KCND3: variants seen among roughly 807,000 people sequenced by gnomAD.
KCND3 encodes the protein potassium voltage-gated channel subfamily D member 3.
A neutral mutation model predicts 51.1 loss-of-function variants in KCND3; 9 were observed. That is an observed-to-expected ratio of 0.18 (90% CI 0.11 to 0.31). KCND3 has a LOEUF of 0.31. KCND3 is among the 10% of genes least tolerant of loss of function. KCND3 has a pLI of 1.00. For missense variants in KCND3, 526 were observed against 903.8 expected (o/e 0.58, Z 5.36); for synonymous variants, 349 against 368.0 (o/e 0.95, Z 0.59).
At chr1:111,915,625 C>T (rs975508617) in intron 2 of KCND3, among the ~76,000 whole-genome samples, 4 of 151,558 alleles carry the variant, frequency 2.6e-5, no homozygotes, top group Non-Finnish European at 2.9e-5. Context: ...TGGTGGTGGG[C>T]GCCTGTAGTC....
chr1:111,823,039 C>T (rs1051464779), intron 2 of KCND3, among the ~76,000 whole-genome samples: 6 of 152,148 alleles, frequency 3.9e-5, no homozygotes, highest in Non-Finnish European at 7.4e-5. Context: ...AGACAGACGG[C>T]GGGGGACCCA....
At position 111,923,427 on chromosome 1, in the gene KCND3, T is replaced by A. The variant is rs768702976; in HGVS notation, c.1106+58194A>T. On this transcript the variant is annotated intron_variant, in intron 2 of 7. Transcript: ENST00000302127. ...CCTATACCCTTCTTCCTGTGCCCCA[T>A]CTTCCCAAAGTGACTTCCTCTGGTT... 3.3e-5 allele frequency among the ~76,000 whole-genome samples: 5 copies of A among 152,162 alleles called. No individual in the cohort carries two copies. The East Asian group carries it at 9.6e-4, about 29-fold the overall frequency.
At chr1:111,944,349 G>A (rs929262958) in intron 2 of KCND3, among the ~76,000 whole-genome samples, 1 of 152,232 alleles carries the variant, frequency 6.6e-6, no homozygotes, top group Non-Finnish European at 1.5e-5. Flanking sequence ...TAAACGAAAG[G>A]TTAAGATACA....
rs775978779 is a variant in KCND3, at chr1:111,777,290, GAGA to G, written c.1519-20_1519-18del. 13 of 1,613,652 alleles carry G rather than the reference GAGA, an allele frequency of 8.1e-6. No individual in the cohort carries two copies. The highest frequency in any genetic ancestry group is 2.7e-5 in the African/African-American group (2 of 75,024). ...CTCGTGGTTCTGCGGGAGGCAGAAG[GAGA>G]AGAAGTAGGAAAAGGAGGTAGGGAG... On this transcript the variant is annotated intron_variant, in intron 6 of 7. Coordinates refer to ENST00000302127, the MANE Select transcript of KCND3 (RefSeq NM_001378969.1).
chr1:111,835,154 G>A (rs1667014469), intron 2 of KCND3, among the ~76,000 whole-genome samples: 1 of 152,200 alleles, frequency 6.6e-6, no homozygotes, highest in Non-Finnish European at 1.5e-5. Context: ...GCCACATCTA[G>A]CTGAGGGTCT....
chr1:111,875,522 C>T (rs1212512644), intron 2 of KCND3, among the ~76,000 whole-genome samples: 1 of 152,180 alleles, frequency 6.6e-6, no homozygotes, highest in Admixed American at 6.5e-5. Context: ...AATGAAAGTT[C>T]AGAAAGCTGG....
chr1:111,900,092 GA>G (rs1456808091), intron 2 of KCND3, among the ~76,000 whole-genome samples: 1 of 152,194 alleles, frequency 6.6e-6, no homozygotes, highest in East Asian at 1.9e-4. Context: ...GGTGCTGGGG[GA>G]CTATCTTAGC....
At chr1:111,881,876 C>G (rs1669344675) in intron 2 of KCND3, among the ~76,000 whole-genome samples, 1 of 152,230 alleles carries the variant, frequency 6.6e-6, no homozygotes, top group Non-Finnish European at 1.5e-5. Flanking sequence ...ATATGTCCTT[C>G]CCTGAGAATA....
chr1:111,927,693 C>G (rs1481004836), intron 2 of KCND3, among the ~76,000 whole-genome samples: 1 of 152,230 alleles, frequency 6.6e-6, no homozygotes, highest in Non-Finnish European at 1.5e-5. Context: ...ACTGAGTCCT[C>G]ACTCCATGCT....
intron 2 of KCND3, among the ~76,000 whole-genome samples, chr1:111,930,558 C>T (rs1411302796): frequency 2.6e-5 from 4 of 152,026 alleles, no homozygotes; most frequent in South Asian, 2.1e-4. Context: ...CACCTGGCCC[C>T]AGGGCACTTG....
At chr1:111,953,950 T>C (rs560826516) in intron 2 of KCND3, among the ~76,000 whole-genome samples, 1 of 152,220 alleles carries the variant, frequency 6.6e-6, no homozygotes, top group South Asian at 2.1e-4. Context: ...AGCCGACCTC[T>C]ATGGACATCA....
Position 111,989,523 on chromosome 1 carries a change from G to C in KCND3, c.-91C>G, listed in dbSNP as rs1242350081. Among the ~76,000 whole-genome samples the C allele has an allele frequency of 1.3e-5, 2 of 150,844 alleles. No individual in the cohort carries two copies. The highest frequency in any genetic ancestry group is 3.0e-5 in the Non-Finnish European group (2 of 67,650). ...CTCTTACCTTCCGCGAAGCCAGCCC[G>C]GGCCCCGCGCCCGGCGCCCCGCGCG... On this transcript the variant is annotated 5_prime_UTR_variant, in exon 1 of 8. Transcript: ENST00000302127.
chr1:111,816,275 G>T (rs964854741), intron 2 of KCND3, among the ~76,000 whole-genome samples: 3 of 152,216 alleles, frequency 2.0e-5, no homozygotes, highest in African/African-American at 7.2e-5. Context: ...ATCTCTCCAG[G>T]AGCTGGAAAT....
At chr1:111,972,393 C>G (rs973686079) in intron 2 of KCND3, among the ~76,000 whole-genome samples, 1 of 151,882 alleles carries the variant, frequency 6.6e-6, no homozygotes, top group South Asian at 2.1e-4. Flanking sequence ...GGGATGGTCT[C>G]GATCTCCTGA....
chr1:111,938,650 T>C (rs1337618492), intron 2 of KCND3, among the ~76,000 whole-genome samples: 2 of 152,048 alleles, frequency 1.3e-5, no homozygotes, highest in Admixed American at 6.5e-5. Flanking sequence ...TAAGGTTATC[T>C]GAGGAAGAGG....
At chr1:111,973,959 T>A (rs1241652962) in intron 2 of KCND3, among the ~76,000 whole-genome samples, 1 of 152,188 alleles carries the variant, frequency 6.6e-6, no homozygotes, top group Non-Finnish European at 1.5e-5. Flanking sequence ...TATATTAAAA[T>A]GATTTTTCTG....
chr1:111,885,450 C>T (rs1192730263), intron 2 of KCND3, among the ~76,000 whole-genome samples: 2 of 152,196 alleles, frequency 1.3e-5, no homozygotes, highest in African/African-American at 4.8e-5. Context: ...GTGAAAACAA[C>T]AAGCTTCAGG....
chr1:111,850,665 G>A (rs746321695), intron 2 of KCND3, among the ~76,000 whole-genome samples: 65 of 152,294 alleles, frequency 4.3e-4, no homozygotes, highest in Admixed American at 8.5e-4. Flanking sequence ...CCGGCCACTG[G>A]CCACTGGGGA....
At chr1:111,956,401 C>G (rs1317258961) in intron 2 of KCND3, among the ~76,000 whole-genome samples, 1 of 152,184 alleles carries the variant, frequency 6.6e-6, no homozygotes, top group Non-Finnish European at 1.5e-5. Flanking sequence ...TTTCCACTGA[C>G]AAGAGGTTGC....
Sources: gnomAD v4.1 joint callset for allele counts (sites outside exome capture counted in the v4.1 genomes callset) on GRCh38, gnomAD v4.1.1 for gene constraint, MANE v1.5 for transcripts, NCBI Gene and HGNC (gene_info 2026-07-23, HGNC 2026-07-21) for gene names.